The following BCR variants were observed in gnomAD, a reference collection of about 807,000 sequenced individuals.
BCR encodes the protein breakpoint cluster region protein.
A neutral mutation model predicts 138.6 loss-of-function variants in BCR; 58 were observed. The observed-to-expected ratio is 0.42, with a 90% CI of 0.34 to 0.52. The LOEUF (loss-of-function observed/expected upper bound fraction) is 0.52, where lower values mean the gene tolerates loss of function less well. Ranked by LOEUF, BCR falls within the 20% of genes least tolerant of loss-of-function variation. The pLI is 0.06. For missense variants in BCR, 1,599 were observed against 1,727.2 expected, an observed-to-expected ratio of 0.93 and a Z score of 1.32; for synonymous variants, 786 against 730.1, an observed-to-expected ratio of 1.08 and a Z score of -1.23.
At position 23,287,780 on chromosome 22, in the gene BCR, G is replaced by A. The variant is rs141685255; in HGVS notation, c.2527-317G>A. On this transcript the variant is annotated intron_variant, in intron 11 of 22. Coordinates refer to ENST00000305877, the MANE Select transcript of BCR (RefSeq NM_004327.4). ...GGGGCTTGTGAATTGAATGCAGGAGGTCAGGTCTGGATCAACGTTCACCTC... is the reference window on the plus strand; with the variant it reads ...GGGGCTTGTGAATTGAATGCAGGAGATCAGGTCTGGATCAACGTTCACCTC... Among the ~76,000 whole-genome samples, 393 of 152,340 alleles carry A rather than the reference G, an allele frequency of 2.6e-3. 3 individuals carry two copies. In the East Asian group the frequency reaches 0.04, roughly 16 times the overall value.
At chr22:23,239,800 A>C (rs2073068278) in intron 1 of BCR, among the ~76,000 whole-genome samples, 2 of 151,892 alleles carry the variant, frequency 1.3e-5, no homozygotes, top group Non-Finnish European at 2.9e-5. Flanking sequence ...TCTGTATCCA[A>C]ATTCCACCCA....
rs918337424 is a variant in BCR, at chr22:23,242,748, T to C, written c.1280-11051T>C. On this transcript the variant is annotated intron_variant, in intron 1 of 22. Transcript: ENST00000305877. ...ACCGAGTTCAGGCCATGTCTTAGTG[T>C]CCTGTGGCTTCCTTAACAGAATGCC... The C allele has an allele frequency of 2.0e-5, 8 of 403,784 alleles. 1 individual carries two copies. The Admixed American group carries it at 2.1e-4, about 10-fold the overall frequency. 25.0% of individuals were successfully genotyped at this position (403,784 alleles called of 1,614,324 possible). A position where few individuals can be genotyped will look rare whatever the true frequency, so the allele number is the denominator to read the frequency against.
chr22:23,262,858 C>T, intron 4 of BCR: 1 of 1,047,164 alleles, frequency 9.5e-7, no homozygotes. Context: ...GAAGCCCGGG[C>T]CGCAGACGGC....
chr22:23,293,925 A>G (rs561114193), intron 15 of BCR, among the ~76,000 whole-genome samples: 1 of 152,098 alleles, frequency 6.6e-6, no homozygotes, highest in South Asian at 2.1e-4. Context: ...GCGCAGATTC[A>G]CCAACAGCAC....
chr22:23,313,983 T>C lies in BCR; in HGVS notation c.3473T>C (p.Val1158Ala), dbSNP rs960250243. Residue 1158 changes from valine to alanine, a missense_variant, in exon 21 of 23, where the codon GTT (valine) becomes GCT (alanine). Physicochemically the swap from Val to Ala is moderately conservative, Grantham distance 64. This residue lies in a region of BCR where 177 missense variants were observed against 226.4 expected (regional missense o/e 0.78). Transcript: ENST00000305877. ...CCTTCTGCAGCTCTTTCAGACCCGG[T>C]TGCAAAGGAGAGCTGCATGCTCAAC... ...FAEGIALSDPVAKESCMLNLL... is the reference protein window; with the variant it reads ...FAEGIALSDPAAKESCMLNLL... 1.2e-6 allele frequency: 2 copies of C among 1,613,940 alleles called. No homozygotes were observed. The highest frequency in any genetic ancestry group is 1.3e-5 in the African/African-American group (1 of 75,002).
chr22:23,272,438 G>A (rs140503), intron 6 of BCR, among the ~76,000 whole-genome samples: 131,545 of 152,108 alleles, frequency 0.86, 57,321 homozygotes, highest in East Asian at 1. Context: ...GAACACACCT[G>A]AGCGTCTGTG....
At chr22:23,243,937 C>T (rs577041970) in intron 1 of BCR, among the ~76,000 whole-genome samples, 6 of 152,216 alleles carry the variant, frequency 3.9e-5, no homozygotes, top group South Asian at 4.1e-4. Flanking sequence ...CCACCGTGCC[C>T]GGCTCTAGCA....
chr22:23,248,208 G>C (rs796896434), intron 1 of BCR, among the ~76,000 whole-genome samples: 40 of 152,264 alleles, frequency 2.6e-4, no homozygotes, highest in African/African-American at 8.7e-4. Context: ...GCTGGGTGTG[G>C]TGGCGCACGC....
At chr22:23,210,478 G>A (rs1024682015) in intron 1 of BCR, among the ~76,000 whole-genome samples, 2 of 152,048 alleles carry the variant, frequency 1.3e-5, no homozygotes, top group African/African-American at 4.8e-5. Context: ...TTTGATGGTT[G>A]TATATGTGCA....
chr22:23,185,755 G>T (rs1391519593), intron 1 of BCR, among the ~76,000 whole-genome samples: 8 of 150,390 alleles, frequency 5.3e-5, no homozygotes, highest in African/African-American at 2.0e-4. Context: ...TTGAGGCGGA[G>T]CCTCGCTCTG....
intron 16 of BCR, among the ~76,000 whole-genome samples, chr22:23,297,617 G>A (rs902900816): frequency 1.3e-5 from 2 of 152,070 alleles, no homozygotes; most frequent in African/African-American, 4.8e-5. Flanking sequence ...CCTGCATCTG[G>A]CACAGTGTCA....
chr22:23,294,491 C>T (rs1424730908), intron 15 of BCR, among the ~76,000 whole-genome samples: 1 of 152,184 alleles, frequency 6.6e-6, no homozygotes, highest in Non-Finnish European at 1.5e-5. Flanking sequence ...GCCTCCGCCT[C>T]CCGGATTCAA....
At chr22:23,251,460 G>A (rs2073227859) in intron 1 of BCR, among the ~76,000 whole-genome samples, 1 of 152,212 alleles carries the variant, frequency 6.6e-6, no homozygotes, top group Non-Finnish European at 1.5e-5. Context: ...GACGAGAAGT[G>A]GAGAACCTGG....
intron 1 of BCR, 91 bp from the exon 2 acceptor site, chr22:23,253,708 A>T: frequency 6.8e-7 from 1 of 1,460,986 alleles, no homozygotes; most frequent in Non-Finnish European, 9.3e-7. Context: ...TTGGGGACAG[A>T]GATGGTGTCA....
chr22:23,302,913 G>C (rs904420444), intron 16 of BCR: 2 of 152,206 alleles, frequency 1.3e-5, no homozygotes, highest in African/African-American at 4.8e-5. Context: ...GCTGGAGCCA[G>C]ATAGTGCCTG....
chr22:23,188,546 G>C (rs2146197780), intron 1 of BCR, among the ~76,000 whole-genome samples: 1 of 152,328 alleles, frequency 6.6e-6, no homozygotes, highest in South Asian at 2.1e-4. Flanking sequence ...ATGAGGCCCA[G>C]GCTGCAGCTC....
At chr22:23,292,132 T>C (rs1321400123) in intron 14 of BCR, among the ~76,000 whole-genome samples, 1 of 152,096 alleles carries the variant, frequency 6.6e-6, no homozygotes, top group African/African-American at 2.4e-5. Context: ...TACAGCGGGG[T>C]CTGCTCTGAT....
chr22:23,251,732 C>T (rs963591671), intron 1 of BCR, among the ~76,000 whole-genome samples: 20 of 152,216 alleles, frequency 1.3e-4, no homozygotes. Context: ...AACCTTTGGG[C>T]AGGGCTGCTT....
chr22:23,292,420 T>A (rs1211824300), intron 14 of BCR, 121 bp from the exon 15 acceptor site: 1 of 812,074 alleles, frequency 1.2e-6, no homozygotes, highest in Non-Finnish European at 2.0e-6. Context: ...AAAAAGAAAG[T>A]TACAACCTTT....
Sources: gnomAD v4.1 joint callset for allele counts (sites outside exome capture counted in the v4.1 genomes callset) on GRCh38, gnomAD v4.1.1 for gene constraint, gnomAD v4.1.1 regional missense constraint, MANE v1.5 for transcripts, NCBI Gene and HGNC (gene_info 2026-07-23, HGNC 2026-07-21) for gene names.